The following SCAMP1 variants were observed in gnomAD, a reference collection of about 807,000 sequenced individuals.
The protein encoded by SCAMP1 is secretory carrier-associated membrane protein 1.
SCAMP1 carries 15 observed loss-of-function variants against 41.8 expected under a neutral mutation model. The observed-to-expected ratio is 0.36, with a 90% CI of 0.24 to 0.55. The LOEUF is 0.55. Ranked by LOEUF, SCAMP1 falls within the 20% of genes least tolerant of loss-of-function variation. SCAMP1 has a pLI of 0.86. For missense variants in SCAMP1, 341 were observed against 412.6 expected (o/e 0.83, Z 1.50); for synonymous variants, 135 against 136.8 (o/e 0.99, Z 0.09).
Position 78,452,622 on chromosome 5 carries a change from C to T in SCAMP1, c.734+2588C>T, listed in dbSNP as rs368676350. On this transcript the variant is annotated intron_variant, in intron 7 of 8. Transcript: ENST00000621999. ...ATTTGGGTTGGTTCCAAGTCTTTGCCATTGTGAATAATGCTGCAATAAACA... is the reference window on the plus strand; with the variant it reads ...ATTTGGGTTGGTTCCAAGTCTTTGCTATTGTGAATAATGCTGCAATAAACA... Among the ~76,000 whole-genome samples the T allele has an allele frequency of 6.4e-3, 959 of 149,654 alleles. 1 individual carries two copies. The highest frequency in any genetic ancestry group is 0.011 in the Non-Finnish European group (733 of 66,952).
chr5:78,361,009 G>C lies in SCAMP1; in HGVS notation c.57+281G>C, dbSNP rs563452283. 1.1e-3 allele frequency: 470 copies of C among 415,508 alleles called. 3 individuals carry two copies. The highest frequency in any genetic ancestry group is 9.2e-3 in the African/African-American group (438 of 47,364). The allele number at this position is 415,508 out of a possible 1,614,324, so 25.7% of individuals were successfully genotyped here. A position where few individuals can be genotyped will look rare whatever the true frequency, so the allele number is the denominator to read the frequency against. The stretch of plus-strand genomic sequence containing the variant: ...TCTGCAGCCGGGACTGGGCCCGCGC[G>C]CCCGGAGGGGTCCTGGCCCGCCTCT... On this transcript the variant is annotated intron_variant, in intron 1 of 8. Transcript: ENST00000621999.
chr5:78,441,430 A>G (rs1407706703), intron 6 of SCAMP1, among the ~76,000 whole-genome samples: 4 of 152,218 alleles, frequency 2.6e-5, no homozygotes, highest in African/African-American at 7.2e-5. Context: ...GTTTCAAAGT[A>G]TATGATTAAA....
intron 8 of SCAMP1, among the ~76,000 whole-genome samples, chr5:78,466,132 G>A (rs1389470208): frequency 1.3e-5 from 2 of 152,220 alleles, no homozygotes; most frequent in Non-Finnish European, 2.9e-5. Context: ...AAGTAGAAAT[G>A]TAATACATTT....
chr5:78,392,042 TGGAAAGAGAGGGAGAGGGAGACC>T (rs1751529221), intron 2 of SCAMP1, among the ~76,000 whole-genome samples: 1 of 1,614 alleles, frequency 6.2e-4, no homozygotes, highest in African/African-American at 3.4e-3. Context: ...AGGGAGACCG[TGGAAAGAGAGGGAGAGGGAGACC>T]GTGGAAAGAG....
chr5:78,460,474 G>A (rs1204403854), intron 8 of SCAMP1, among the ~76,000 whole-genome samples: 1 of 152,072 alleles, frequency 6.6e-6, no homozygotes, highest in Non-Finnish European at 1.5e-5. Context: ...GGGAATTATT[G>A]TGGTTTTGAT....
chr5:78,407,073 A>G (rs1470731758), intron 2 of SCAMP1, among the ~76,000 whole-genome samples: 1 of 152,186 alleles, frequency 6.6e-6, no homozygotes, highest in Non-Finnish European at 1.5e-5. Context: ...TTCCCTGCCA[A>G]TAGGTTGGCT....
rs1752217398 is a variant in SCAMP1, at chr5:78,416,667, T to A, written c.343+18T>A. 1 of 1,534,640 alleles carries A rather than the reference T, an allele frequency of 6.5e-7. No individual in the cohort carries two copies. The highest frequency in any genetic ancestry group is 1.4e-5 in the African/African-American group (1 of 71,834). On this transcript the variant is annotated intron_variant, in intron 4 of 8. Coordinates refer to ENST00000621999, the MANE Select transcript of SCAMP1 (RefSeq NM_004866.6). ...TCAACATGGTAGTATCCAAAGAAAT[T>A]TGAAATAAAAATAACTTTTAAATAC...
intron 1 of SCAMP1, among the ~76,000 whole-genome samples, chr5:78,386,015 T>C (rs1751331537): frequency 6.6e-6 from 1 of 152,200 alleles, no homozygotes. Context: ...TTGTTGACTT[T>C]TTGTCTTGAT....
At chr5:78,373,839 G>C (rs1354414454) in intron 1 of SCAMP1, among the ~76,000 whole-genome samples, 1 of 152,066 alleles carries the variant, frequency 6.6e-6, no homozygotes, top group Non-Finnish European at 1.5e-5. Flanking sequence ...AGTTTGAGTG[G>C]ACCTAATGGT....
Position 78,441,921 on chromosome 5 carries a change from G to A in SCAMP1, c.633-8012G>A, listed in dbSNP as rs114583936. 3.2e-3 allele frequency among the ~76,000 whole-genome samples: 494 copies of A among 152,318 alleles called. 3 individuals are homozygous for A. The highest frequency in any genetic ancestry group is 0.011 in the African/African-American group (468 of 41,556). ...AAGAGGAGAGGATTGCTTGAGCTTG[G>A]TGCTCGAGACCAGGCTGGGCAACAT... On this transcript the variant is annotated intron_variant, in intron 6 of 8. Coordinates refer to ENST00000621999, the MANE Select transcript of SCAMP1 (RefSeq NM_004866.6).
intron 8 of SCAMP1, among the ~76,000 whole-genome samples, chr5:78,473,722 G>A (rs950703342): frequency 6.6e-6 from 1 of 152,108 alleles, no homozygotes; most frequent in African/African-American, 2.4e-5. Context: ...GTGAGAACAT[G>A]TGATATTTGG....
At chr5:78,464,810 G>A (rs191962833) in intron 8 of SCAMP1, among the ~76,000 whole-genome samples, 1 of 152,250 alleles carries the variant, frequency 6.6e-6, no homozygotes, top group Non-Finnish European at 1.5e-5. Flanking sequence ...CACTTCACCA[G>A]TATTATGCCA....
intron 1 of SCAMP1, among the ~76,000 whole-genome samples, chr5:78,368,608 G>A (rs1454456886): frequency 6.6e-6 from 1 of 152,044 alleles, no homozygotes; most frequent in Non-Finnish European, 1.5e-5. Context: ...CTAATAGCTG[G>A]GTATTCTTCT....
chr5:78,418,625 T>C, intron 4 of SCAMP1, 150 bp from the exon 5 acceptor site: 1 of 567,586 alleles, frequency 1.8e-6, no homozygotes, highest in Admixed American at 3.8e-5. Context: ...AAGCTTGTCT[T>C]TCAGAGTTCT....
chr5:78,439,934 A>C (rs777556078), intron 6 of SCAMP1, among the ~76,000 whole-genome samples: 20 of 151,678 alleles, frequency 1.3e-4, no homozygotes, highest in Non-Finnish European at 2.4e-4. Flanking sequence ...TTTTTTCTCC[A>C]ACACTTCATT....
intron 6 of SCAMP1, among the ~76,000 whole-genome samples, chr5:78,448,956 C>T (rs113441326): frequency 4.6e-5 from 7 of 151,222 alleles, no homozygotes; most frequent in African/African-American, 9.7e-5. Flanking sequence ...GCCAAGATTG[C>T]GCCATTGCAC....
At chr5:78,397,950 G>A (rs1199850714) in intron 2 of SCAMP1, among the ~76,000 whole-genome samples, 1 of 152,194 alleles carries the variant, frequency 6.6e-6, no homozygotes, top group Non-Finnish European at 1.5e-5. Flanking sequence ...AGGCAATAGC[G>A]AGTATTGGCA....
chr5:78,461,313 T>C (rs761715103), intron 8 of SCAMP1, among the ~76,000 whole-genome samples: 1 of 152,246 alleles, frequency 6.6e-6, no homozygotes, highest in Non-Finnish European at 1.5e-5. Flanking sequence ...TTTGAGGTTT[T>C]ACATTTAAGT....
chr5:78,427,682 T>C (rs777648264), intron 6 of SCAMP1, among the ~76,000 whole-genome samples: 19 of 152,190 alleles, frequency 1.2e-4, no homozygotes, highest in Non-Finnish European at 1.8e-4. Flanking sequence ...TTCTAGTTTC[T>C]CTGCATCCTC....
Sources: gnomAD v4.1 joint callset for allele counts (sites outside exome capture counted in the v4.1 genomes callset) on GRCh38, gnomAD v4.1.1 for gene constraint, MANE v1.5 for transcripts, NCBI Gene and HGNC (gene_info 2026-07-23, HGNC 2026-07-21) for gene names.